Variants in PCDH15 observed in about 807,000 individuals in gnomAD.
PCDH15 encodes the protein protocadherin-15.
Under a neutral mutation model 178.5 loss-of-function variants are expected in PCDH15, and 129 were observed. The observed-to-expected ratio is 0.72, with a 90% CI of 0.63 to 0.84. PCDH15 has a LOEUF of 0.84. Ranked by LOEUF, PCDH15 falls within the 40% of genes least tolerant of loss-of-function variation. The pLI, the probability that PCDH15 is intolerant of heterozygous loss-of-function variation, is 0.00. For missense variants in PCDH15, 2,230 were observed against 2,099.9 expected (o/e 1.06, Z -1.21); for synonymous variants, 800 against 732.0 (o/e 1.09, Z -1.50).
chr10:54,134,511 T>G (rs1406676848), intron 14 of PCDH15, among the ~76,000 whole-genome samples: 1 of 151,922 alleles, frequency 6.6e-6, no homozygotes, highest in Non-Finnish European at 1.5e-5. Flanking sequence ...CCCAGCACTT[T>G]GGGAGGCCGA....
chr10:55,011,227 T>C (rs1840040898), intron 2 of PCDH15, among the ~76,000 whole-genome samples: 1 of 152,096 alleles, frequency 6.6e-6, no homozygotes, highest in African/African-American at 2.4e-5. Flanking sequence ...TTATTAAAAG[T>C]GGACAAAGTG....
chr10:54,789,483 A>G (rs774121804), intron 1 of PCDH15, among the ~76,000 whole-genome samples: 1 of 151,832 alleles, frequency 6.6e-6, no homozygotes, highest in African/African-American at 2.4e-5. Flanking sequence ...GTGATTTAGT[A>G]GCTACAAATA....
At chr10:53,964,824 T>C (rs990152419) in intron 21 of PCDH15, among the ~76,000 whole-genome samples, 1 of 152,160 alleles carries the variant, frequency 6.6e-6, no homozygotes, top group Non-Finnish European at 1.5e-5. Flanking sequence ...TCATATACAA[T>C]GGCAAACCTT....
chr10:53,834,518 G>GTTT (rs11438530), intron 29 of PCDH15, among the ~76,000 whole-genome samples: 167 of 141,654 alleles, frequency 1.2e-3, no homozygotes, highest in Middle Eastern at 3.8e-3. Context: ...ACAGAAATGT[G>GTTT]TTTTTTTTTT....
At chr10:55,352,408 T>C (rs960291184) in intron 2 of PCDH15, among the ~76,000 whole-genome samples, 1 of 152,084 alleles carries the variant, frequency 6.6e-6, no homozygotes, top group Non-Finnish European at 1.5e-5. Flanking sequence ...AATTTTACAG[T>C]GCAGTGGTGG....
intron 2 of PCDH15, among the ~76,000 whole-genome samples, chr10:55,058,363 C>T (rs1048689705): frequency 2.0e-5 from 3 of 152,150 alleles, no homozygotes; most frequent in Admixed American, 2.0e-4. Flanking sequence ...GGTGCACCCA[C>T]AAAGCCTGAT....
At chr10:54,118,367 A>G (rs1384660597) in intron 15 of PCDH15, among the ~76,000 whole-genome samples, 1 of 152,180 alleles carries the variant, frequency 6.6e-6, no homozygotes, top group Non-Finnish European at 1.5e-5. Flanking sequence ...ATCATATAAA[A>G]AAAAGTAACC....
At chr10:54,088,188 G>A (rs1911424) in intron 16 of PCDH15, among the ~76,000 whole-genome samples, 50,218 of 151,966 alleles carry the variant, frequency 0.33, 8,901 homozygotes, top group Middle Eastern at 0.47. Context: ...GCAGATTTCA[G>A]TATCTCCACA....
At chr10:54,519,146 T>G (rs569231713) in intron 3 of PCDH15, among the ~76,000 whole-genome samples, 4,316 of 152,188 alleles carry the variant, frequency 0.028, 145 homozygotes, top group Admixed American at 0.11. Context: ...CTTTGAAAAC[T>G]GGCACAAGAC....
intron 2 of PCDH15, among the ~76,000 whole-genome samples, chr10:55,453,266 G>A (rs7908118): frequency 0.31 from 47,602 of 151,882 alleles, 8,153 homozygotes; most frequent in East Asian, 0.52. Context: ...GAGGATAGGT[G>A]GATTAGATGC....
chr10:54,924,394 G>T (rs548007422), intron 2 of PCDH15, among the ~76,000 whole-genome samples: 1 of 137,966 alleles, frequency 7.2e-6, no homozygotes, highest in South Asian at 2.3e-4. Context: ...GCATACTACA[G>T]AACTAAATAT....
At chr10:55,270,912 T>C (rs992082573) in intron 1 of PCDH15, among the ~76,000 whole-genome samples, 1 of 151,914 alleles carries the variant, frequency 6.6e-6, no homozygotes, top group Non-Finnish European at 1.5e-5. Flanking sequence ...GTAGAGTGAA[T>C]AAAGAAAATA....
At chr10:54,542,901 C>G (rs779503692) in intron 2 of PCDH15, among the ~76,000 whole-genome samples, 18 of 152,158 alleles carry the variant, frequency 1.2e-4, no homozygotes, top group Non-Finnish European at 2.4e-4. Flanking sequence ...TATAAAAAGC[C>G]AAGACCCTAG....
At chr10:54,568,051 A>C (rs1489345490) in intron 2 of PCDH15, among the ~76,000 whole-genome samples, 1 of 152,160 alleles carries the variant, frequency 6.6e-6, no homozygotes, top group Admixed American at 6.5e-5. Flanking sequence ...AATTATATTT[A>C]GTAAGGAGAT....
chr10:53,948,569 A>C (rs2086762201), intron 23 of PCDH15, among the ~76,000 whole-genome samples: 1 of 152,202 alleles, frequency 6.6e-6, no homozygotes, highest in Non-Finnish European at 1.5e-5. Flanking sequence ...CACAGCTATT[A>C]AGCACCGGAG....
chr10:54,932,390 T>C (rs556577874), intron 2 of PCDH15, among the ~76,000 whole-genome samples: 324 of 152,340 alleles, frequency 2.1e-3, no homozygotes, highest in Non-Finnish European at 3.3e-3. Context: ...GAACATATTT[T>C]TGTACAGCTG....
intron 21 of PCDH15, among the ~76,000 whole-genome samples, chr10:53,977,755 G>A (rs1368786794): frequency 2.0e-5 from 3 of 152,174 alleles, no homozygotes; most frequent in Non-Finnish European, 2.9e-5. Context: ...GAAATCAAAA[G>A]CATTGTTACT....
chr10:54,431,797 G>A (rs1426046058), intron 3 of PCDH15, among the ~76,000 whole-genome samples: 2 of 152,024 alleles, frequency 1.3e-5, no homozygotes, highest in African/African-American at 4.8e-5. Context: ...ACCCCAACTG[G>A]AAAGAAATAA....
intron 13 of PCDH15, among the ~76,000 whole-genome samples, chr10:54,170,700 C>T (rs1290024881): frequency 2.0e-5 from 3 of 152,016 alleles, no homozygotes; most frequent in Non-Finnish European, 4.4e-5. Flanking sequence ...CCCCAAATTT[C>T]CTTCTTTCCT....
Sources: allele counts gnomAD v4.1 joint callset (sites outside exome capture counted in the v4.1 genomes callset), GRCh38; gene constraint gnomAD v4.1.1; transcripts MANE v1.5; gene names NCBI Gene and HGNC (gene_info 2026-07-23, HGNC 2026-07-21).